Variants in NAT8L observed in about 807,000 individuals in gnomAD.
NAT8L encodes the protein aspartate N-acetyltransferase.
A neutral mutation model predicts 21.2 loss-of-function variants in NAT8L; 6 were observed. The observed-to-expected ratio is 0.28, with a 90% CI of 0.16 to 0.56. NAT8L has a LOEUF of 0.56. Among genes scored for constraint, NAT8L ranks in the 20% least tolerant of loss-of-function variants. The probability of loss-of-function intolerance (pLI) is 0.93; values close to 1 mark genes in which losing one functional copy is unlikely to be tolerated. For missense variants in NAT8L, 331 were observed against 433.3 expected (o/e 0.76, Z 2.10); for synonymous variants, 239 against 204.9 (o/e 1.17, Z -1.42).
chr4:2,061,542 C>T (rs1226648686), intron 2 of NAT8L, among the ~76,000 whole-genome samples: 1 of 152,042 alleles, frequency 6.6e-6, no homozygotes, highest in African/African-American at 2.4e-5. Flanking sequence ...GCTTGTGTGG[C>T]AGGGGCCGGG....
At chr4:2,061,572 G>A (rs778791845) in intron 2 of NAT8L, among the ~76,000 whole-genome samples, 7 of 152,206 alleles carry the variant, frequency 4.6e-5, no homozygotes, top group Non-Finnish European at 8.8e-5. Context: ...GGGGCACAGA[G>A]GATGGGGTGG....
intron 2 of NAT8L, among the ~76,000 whole-genome samples, chr4:2,063,276 T>C (rs1447239047): frequency 6.6e-6 from 1 of 152,184 alleles, no homozygotes; most frequent in Non-Finnish European, 1.5e-5. Flanking sequence ...TGACCCTGGG[T>C]GGCCAGAAGC....
At position 2,060,510 on chromosome 4, in the gene NAT8L, C is replaced by T. The variant is rs1171830765; in HGVS notation, c.377-488C>T. Among the ~76,000 whole-genome samples, 1 of 152,176 alleles carries T rather than the reference C, an allele frequency of 6.6e-6. No individual in the cohort carries two copies. Among genetic ancestry groups the T allele is most frequent in the Non-Finnish European group, 1.5e-5 (1 of 68,012 alleles). On this transcript the variant is annotated intron_variant, in intron 1 of 2. Coordinates refer to ENST00000423729, the MANE Select transcript of NAT8L (RefSeq NM_178557.4). This position sits in a 1 kb window ranked among gnomAD's most constrained non-coding sequence, Gnocchi z 4.7. ...CGGCTGGAAGCGGTGTGGGGCCTCCCTGCCCTGTCCCTGCCCTCAGAGCTC... is the reference window on the plus strand; with the variant it reads ...CGGCTGGAAGCGGTGTGGGGCCTCCTTGCCCTGTCCCTGCCCTCAGAGCTC...
chr4:2,063,209 C>A (rs116398330), intron 2 of NAT8L, among the ~76,000 whole-genome samples: 1 of 152,286 alleles, frequency 6.6e-6, no homozygotes, highest in Admixed American at 6.5e-5. Flanking sequence ...ACTTTGCTGA[C>A]CCCTGCCCTT....
intron 2 of NAT8L, 75 bp downstream of exon 2, chr4:2,061,237 G>A: frequency 6.3e-7 from 1 of 1,584,974 alleles, no homozygotes; most frequent in Non-Finnish European, 8.6e-7. Flanking sequence ...GCGACCTCAG[G>A]GCAGGCCTGG....
intron 2 of NAT8L, 135 bp from the exon 3 acceptor site, chr4:2,063,625 G>A: frequency 6.5e-7 from 1 of 1,530,868 alleles, no homozygotes; most frequent in Non-Finnish European, 8.9e-7. Context: ...GGGGCTGCCG[G>A]GATTGGGTGT....
In NAT8L at chr4:2,059,769, C is replaced by G. The variant is rs766100531; in HGVS notation, c.258C>G (p.Ala86=). Residue 86 remains alanine (A), a synonymous_variant, in exon 1 of 3, where the codon GCC becomes GCG. Coordinates refer to ENST00000423729, the MANE Select transcript of NAT8L (RefSeq NM_178557.4). This position sits in a 1 kb window ranked among gnomAD's most constrained non-coding sequence, Gnocchi z 4.8. The part of the protein sequence containing the change: ...RGVCIREFRA[A]EQEAARRIFY... ...TGTGCATCCGCGAGTTCCGTGCGGC[C>G]GAGCAGGAGGCGGCGCGCCGCATCT... 1.4e-5 allele frequency: 19 copies of G among 1,339,366 alleles called. No individual in the cohort carries two copies. Among genetic ancestry groups the G allele is most frequent in the South Asian group, 1.5e-5 (1 of 67,400 alleles). The allele number at this position is 1,339,366 out of a possible 1,614,324, so 83.0% of individuals were successfully genotyped here.
Position 2,059,659 on chromosome 4 carries a change from G to T in NAT8L, c.148G>T (p.Ala50Ser). 2.1e-6 allele frequency: 2 copies of T among 973,010 alleles called. No individual in the cohort carries two copies. Among genetic ancestry groups the T allele is most frequent in the Non-Finnish European group, 2.4e-6 (2 of 821,034 alleles). 60.3% of individuals were successfully genotyped at this position (973,010 alleles called of 1,614,324 possible). The part of the protein sequence containing the change: ...PPLPAAPGPA[A>S]APPAPPPAPV... ...GCTGCCCGCCGCGCCCGGGCCGGCC[G>T]CCGCGCCCCCCGCGCCCCCACCTGC... The change falls in exon 1 of 3, where the codon GCC (alanine) becomes TCC (serine). Residue 50 changes from alanine (A) to serine (S), a missense_variant. By Grantham distance (99) the Ala-to-Ser change is moderately conservative. Transcript: ENST00000423729. The surrounding 1 kb of genome is among the most constrained non-coding windows in gnomAD (Gnocchi z 4.8).
intron 2 of NAT8L, among the ~76,000 whole-genome samples, chr4:2,063,264 G>A (rs997147633): frequency 2.0e-5 from 3 of 152,356 alleles, no homozygotes; most frequent in East Asian, 3.9e-4. Flanking sequence ...TGATGGCCCG[G>A]GTGACCCTGG....
rs1165216675 is a variant in NAT8L at position 2,060,569 on chromosome 4, C to T, written c.377-429C>T. On this transcript the variant is annotated intron_variant, in intron 1 of 2. Coordinates refer to ENST00000423729, the MANE Select transcript of NAT8L (RefSeq NM_178557.4). The surrounding 1 kb of genome is among the most constrained non-coding windows in gnomAD (Gnocchi z 4.7). ...TGGCCAGGAAGGGCTCTTGCTGGGG[C>T]CCTGGGAAGAGGGGGTCCTGGAGCC... is the stretch of plus-strand genomic sequence containing the variant. Among the ~76,000 whole-genome samples, 2 of 152,148 alleles carry T rather than the reference C, an allele frequency of 1.3e-5. No homozygotes were observed. The highest frequency in any genetic ancestry group is 1.9e-4 in the East Asian group (1 of 5,154).
rs1729844424 is a variant in NAT8L at position 2,060,941 on chromosome 4, C to T, written c.377-57C>T. 2.0e-6 allele frequency: 2 copies of T among 996,568 alleles called. No individual in the cohort carries two copies. Among genetic ancestry groups the T allele is most frequent in the South Asian group, 1.7e-5 (1 of 57,900 alleles). The allele number at this position is 996,568 out of a possible 1,614,324, so 61.7% of individuals were successfully genotyped here. On this transcript the variant is annotated intron_variant, in intron 1 of 2. Coordinates refer to ENST00000423729, the MANE Select transcript of NAT8L (RefSeq NM_178557.4). This position sits in a 1 kb window ranked among gnomAD's most constrained non-coding sequence, Gnocchi z 4.7. Reference sequence around the variant, plus strand: ...TCCCTAGCGGGCTTCGCCGGGGTGGCGTCTCTGGGGCCTGGGGACCCCCGC... The same window carrying T: ...TCCCTAGCGGGCTTCGCCGGGGTGGTGTCTCTGGGGCCTGGGGACCCCCGC...
Position 2,059,999 on chromosome 4 carries a change from C to G in NAT8L, c.376+112C>G, listed in dbSNP as rs1193002071. 3.5e-6 allele frequency: 2 copies of G among 577,314 alleles called. No homozygotes were observed. Among genetic ancestry groups the G allele is most frequent in the Non-Finnish European group, 2.3e-6 (1 of 426,660 alleles). 35.8% of individuals were successfully genotyped at this position (577,314 alleles called of 1,614,324 possible). A position where few individuals can be genotyped will look rare whatever the true frequency, so the allele number is the denominator to read the frequency against. Reference sequence around the variant, plus strand: ...GGCTCCCGGGGACCAGCCTGGGAAGCCCCCCGCTTTCTGCCGCGCCGGGCC... The same window carrying G: ...GGCTCCCGGGGACCAGCCTGGGAAGGCCCCCGCTTTCTGCCGCGCCGGGCC... On this transcript the variant is annotated intron_variant, in intron 1 of 2. Coordinates refer to ENST00000423729, the MANE Select transcript of NAT8L (RefSeq NM_178557.4). The surrounding 1 kb of genome is among the most constrained non-coding windows in gnomAD (Gnocchi z 4.8).
rs1729980370 is a variant in NAT8L at position 2,065,503 on chromosome 4, T to G, written c.*1376T>G. ...ACAGGCTGCACATTCAGCTTAGAAG[T>G]GGACCTGGCTTTGGTGGCAGGAGAA... On this transcript the variant is annotated 3_prime_UTR_variant, in exon 3 of 3. Coordinates refer to ENST00000423729, the MANE Select transcript of NAT8L (RefSeq NM_178557.4). 1 of 152,254 alleles carries G rather than the reference T, an allele frequency of 6.6e-6. No homozygotes were observed. Among genetic ancestry groups the G allele is most frequent in the Non-Finnish European group, 1.5e-5 (1 of 68,132 alleles). 9.4% of individuals were successfully genotyped at this position (152,254 alleles called of 1,614,324 possible).
At position 2,068,251 on chromosome 4, in the gene NAT8L, TAC is replaced by T. The variant is rs1426700680; in HGVS notation, c.*4127_*4128del. ...ACACGCGTGAGCATGCATGTGTGTGTACACGTGTATAGGTGTACATGTGCATG... is the reference window on the plus strand; with the variant it reads ...ACACGCGTGAGCATGCATGTGTGTGTACGTGTATAGGTGTACATGTGCATG... On this transcript the variant is annotated 3_prime_UTR_variant, in exon 3 of 3. Transcript: ENST00000423729. The T allele has an allele frequency of 6.6e-6, 1 of 152,296 alleles. No homozygotes were observed. The highest frequency in any genetic ancestry group is 6.5e-5 in the Admixed American group (1 of 15,280). The allele number at this position is 152,296 out of a possible 1,614,324, so 9.4% of individuals were successfully genotyped here.
rs1560943530 is a variant in NAT8L at position 2,060,465 on chromosome 4, A to T, written c.377-533A>T. On this transcript the variant is annotated intron_variant, in intron 1 of 2. Coordinates refer to ENST00000423729, the MANE Select transcript of NAT8L (RefSeq NM_178557.4). The surrounding 1 kb of genome is among the most constrained non-coding windows in gnomAD (Gnocchi z 4.7). ...GCGTAGGGAGGACGCGACTCCCCCAAGGTCACGGCAGCCGAAATGCGGCTG... is the reference window on the plus strand; with the variant it reads ...GCGTAGGGAGGACGCGACTCCCCCATGGTCACGGCAGCCGAAATGCGGCTG... Among the ~76,000 whole-genome samples, 2 of 152,132 alleles carry T rather than the reference A, an allele frequency of 1.3e-5. No individual in the cohort carries two copies. The highest frequency in any genetic ancestry group is 2.4e-5 in the African/African-American group (1 of 41,428).
rs1729829935 is a variant in NAT8L at position 2,060,336 on chromosome 4, C to A, written c.376+449C>A. On this transcript the variant is annotated intron_variant, in intron 1 of 2. Transcript: ENST00000423729. The surrounding 1 kb of genome is among the most constrained non-coding windows in gnomAD (Gnocchi z 4.7). ...GCGCGCCTGGCACAGCCGGGGCGGTCGCAGAGGGCGGCCCCTTCAGCGTCT... is the reference window on the plus strand; with the variant it reads ...GCGCGCCTGGCACAGCCGGGGCGGTAGCAGAGGGCGGCCCCTTCAGCGTCT... Among the ~76,000 whole-genome samples, 1 of 152,216 alleles carries A rather than the reference C, an allele frequency of 6.6e-6. No individual in the cohort carries two copies. The highest frequency in any genetic ancestry group is 2.4e-5 in the African/African-American group (1 of 41,460).
In NAT8L at chr4:2,061,112, C is replaced by T. The variant is rs755865891; in HGVS notation, c.491C>T (p.Ala164Val). 2.5e-6 allele frequency: 4 copies of T among 1,611,430 alleles called. No individual in the cohort carries two copies. The highest frequency in any genetic ancestry group is 2.2e-5 in the East Asian group (1 of 44,852). Reference sequence around the variant, plus strand: ...GTGATCCGCGCCTACCTGGAGTGCGCGCTGCACACGGACATGGCGGACATC... The same window carrying T: ...GTGATCCGCGCCTACCTGGAGTGCGTGCTGCACACGGACATGGCGGACATC... ...RKVIRAYLEC[A>V]LHTDMADIEQ... The change falls in exon 2 of 3, where the codon GCG becomes GTG. Residue 164 changes from alanine (A) to valine (V), a missense_variant. Coordinates refer to ENST00000423729, the MANE Select transcript of NAT8L (RefSeq NM_178557.4).
At position 2,060,944 on chromosome 4, in the gene NAT8L, C is replaced by T; in HGVS notation, c.377-54C>T. On this transcript the variant is annotated intron_variant, in intron 1 of 2. Coordinates refer to ENST00000423729, the MANE Select transcript of NAT8L (RefSeq NM_178557.4). The surrounding 1 kb of genome is among the most constrained non-coding windows in gnomAD (Gnocchi z 4.7). Reference sequence around the variant, plus strand: ...CTAGCGGGCTTCGCCGGGGTGGCGTCTCTGGGGCCTGGGGACCCCCGCCGC... The same window carrying T: ...CTAGCGGGCTTCGCCGGGGTGGCGTTTCTGGGGCCTGGGGACCCCCGCCGC... The T allele has an allele frequency of 1.9e-6, 2 of 1,072,666 alleles. No individual in the cohort carries two copies. Among genetic ancestry groups the T allele is most frequent in the Non-Finnish European group, 2.6e-6 (2 of 759,958 alleles). The allele number at this position is 1,072,666 out of a possible 1,614,324, so 66.4% of individuals were successfully genotyped here. A position where few individuals can be genotyped will look rare whatever the true frequency, so the allele number is the denominator to read the frequency against.
rs1229996877 is a variant in NAT8L, at chr4:2,068,327, ATG to A, written c.*4205_*4206del. 1.3e-5 allele frequency: 2 copies of A among 152,322 alleles called. No homozygotes were observed. The highest frequency in any genetic ancestry group is 3.9e-4 in the East Asian group (2 of 5,172). 9.4% of individuals were successfully genotyped at this position (152,322 alleles called of 1,614,324 possible). On this transcript the variant is annotated 3_prime_UTR_variant, in exon 3 of 3. Transcript: ENST00000423729. The stretch of plus-strand genomic sequence containing the variant: ...TGTATAGATGTACGTGTGTGTGCGC[ATG>A]TGTGCGTGTACATGTGTTTGTGTCT...
Sources: allele counts gnomAD v4.1 joint callset (sites outside exome capture counted in the v4.1 genomes callset), GRCh38; gene constraint gnomAD v4.1.1; non-coding constraint Gnocchi (gnomAD v3.1); transcripts MANE v1.5; gene names NCBI Gene and HGNC (gene_info 2026-07-23, HGNC 2026-07-21).